The following EGF variants were observed in gnomAD, a reference collection of about 807,000 sequenced individuals.
EGF encodes the protein pro-epidermal growth factor.
A neutral mutation model predicts 143.8 loss-of-function variants in EGF; 95 were observed. The ratio of observed to expected loss-of-function variants is 0.66; its 90% CI spans 0.56 to 0.78. The LOEUF (loss-of-function observed/expected upper bound fraction) is 0.78, where lower values mean the gene tolerates loss of function less well. Ranked by LOEUF, EGF falls within the 30% of genes least tolerant of loss-of-function variation. The probability of loss-of-function intolerance (pLI) is 0.00; values close to 1 mark genes in which losing one functional copy is unlikely to be tolerated. For synonymous variants in EGF, 510 were observed against 510.5 expected, an observed-to-expected ratio of 1.00 and a Z score of 0.01; for missense variants, 1,320 against 1,470.9, an observed-to-expected ratio of 0.90 and a Z score of 1.68.
chr4:109,999,299 C>G (rs41471646), intron 20 of EGF, among the ~76,000 whole-genome samples: 43 of 152,300 alleles, frequency 2.8e-4, no homozygotes, highest in African/African-American at 9.4e-4. Flanking sequence ...ATACTCATTG[C>G]AATCTGGCCA....
At chr4:109,929,473 T>C (rs1560638636) in intron 1 of EGF, among the ~76,000 whole-genome samples, 2 of 152,114 alleles carry the variant, frequency 1.3e-5, no homozygotes, top group Non-Finnish European at 2.9e-5. Context: ...TGTTAGAGTG[T>C]GGAATAGCAC....
rs929397393 is a variant in EGF at position 109,995,001 on chromosome 4, A to C, written c.3005+121A>C. On this transcript the variant is annotated intron_variant, in intron 20 of 23. Transcript: ENST00000265171. ...CAATTAGGTGTTCTTTTGGAAAAAT[A>C]TAAACATACACATATGAACCACGTG... is the stretch of plus-strand genomic sequence containing the variant. 15 of 1,259,594 alleles carry C rather than the reference A, an allele frequency of 1.2e-5. No homozygotes were observed. In the African/African-American group the frequency reaches 2.2e-4, roughly 19 times the overall value. 78.0% of individuals were successfully genotyped at this position (1,259,594 alleles called of 1,614,324 possible). A position where few individuals can be genotyped will look rare whatever the true frequency, so the allele number is the denominator to read the frequency against.
Position 109,988,613 on chromosome 4 carries a change from G to T in EGF, c.2638G>T (p.Val880Leu), listed in dbSNP as rs759771801. The part of the protein sequence containing the change: ...DIDECEMGVP[V>L]CPPASSKCIN... ...AGATGAATGTGAGATGGGTGTCCCA[G>T]TGTGCCCCCCTGCCTCCTCCAAGTG... Residue 880 changes from valine (V) to leucine (L), a missense_variant, in exon 18 of 24, where the codon GTG becomes TTG. Coordinates refer to ENST00000265171, the MANE Select transcript of EGF (RefSeq NM_001963.6). 8 of 1,613,994 alleles carry T rather than the reference G, an allele frequency of 5.0e-6. No homozygotes were observed. The African/African-American group carries it at 6.7e-5, about 13-fold the overall frequency.
At chr4:109,962,681 T>C (rs1745898957) in intron 8 of EGF, among the ~76,000 whole-genome samples, 1 of 152,178 alleles carries the variant, frequency 6.6e-6, no homozygotes, top group Admixed American at 6.5e-5. Flanking sequence ...TGTTGGGTTA[T>C]AGGGAAGGAG....
chr4:109,948,899 G>A (rs1743321322), intron 5 of EGF, among the ~76,000 whole-genome samples: 1 of 152,112 alleles, frequency 6.6e-6, no homozygotes, highest in Admixed American at 6.5e-5. Flanking sequence ...GCTTTACAAA[G>A]CATTTAGTAG....
At chr4:109,944,431 T>C (rs936566809) in intron 4 of EGF, among the ~76,000 whole-genome samples, 4 of 152,220 alleles carry the variant, frequency 2.6e-5, no homozygotes, top group Non-Finnish European at 5.9e-5. Flanking sequence ...AGAGCGAGAC[T>C]CCGTCTCAAG....
rs141644661 is a variant in EGF, at chr4:109,980,827, A to G, written c.2223A>G (p.Gly741=). 1,125 of 1,613,970 alleles carry G rather than the reference A, an allele frequency of 7.0e-4. 5 individuals carry two copies. Among genetic ancestry groups the G allele is most frequent in the Non-Finnish European group, 6.9e-4 (810 of 1,179,916 alleles). The change falls in exon 15 of 24, where the codon GGA becomes GGG. Residue 741 remains glycine (G), a splice_region_variant and synonymous_variant. Coordinates refer to ENST00000265171, the MANE Select transcript of EGF (RefSeq NM_001963.6). ...GAATTTGTTTCTTTTCTCTACTAGG[A>G]GCAGATCCCTGCTTATATCAAAACG... ...LVVVHPLAKP[G]ADPCLYQNGG...
At chr4:109,991,138 A>G (rs886692104) in intron 18 of EGF, among the ~76,000 whole-genome samples, 1 of 152,222 alleles carries the variant, frequency 6.6e-6, no homozygotes, top group Non-Finnish European at 1.5e-5. Context: ...ACCACATTAC[A>G]ACTGTAAAAT....
rs2237043 is a variant in EGF at position 109,921,253 on chromosome 4, T to C, written c.127+7791T>C. 0.013 allele frequency among the ~76,000 whole-genome samples: 1,988 copies of C among 149,488 alleles called. 210 individuals carry two copies. The East Asian group carries it at 0.23, about 17-fold the overall frequency. On this transcript the variant is annotated intron_variant, in intron 1 of 23. Transcript: ENST00000265171. ...TCAATTCTGGGAATTAGCAAATGTA[T>C]AGAAACTTCAGTTGTTTTAGCCAAA...
intron 21 of EGF, chr4:110,004,211 TACATACACACACACAC>T (rs1752940452): frequency 1.3e-5 from 5 of 387,376 alleles, no homozygotes; most frequent in African/African-American, 7.4e-5. Flanking sequence ...TACATGGGCA[TACATACACACACACAC>T]ACACACACAC....
chr4:109,994,647 T>G (rs560565298), intron 19 of EGF, 86 bp from the exon 20 acceptor site: 1 of 1,458,954 alleles, frequency 6.9e-7, no homozygotes, highest in East Asian at 2.3e-5. Context: ...TGTCACAAAC[T>G]ATTCACAGAA....
chr4:109,984,188 C>G (rs1208094271), intron 16 of EGF, among the ~76,000 whole-genome samples: 5 of 151,472 alleles, frequency 3.3e-5, no homozygotes, highest in African/African-American at 9.7e-5. Flanking sequence ...TGCAATTTGA[C>G]TTTGAAACAT....
intron 1 of EGF, among the ~76,000 whole-genome samples, chr4:109,929,618 G>C (rs1739330184): frequency 1.3e-5 from 2 of 152,168 alleles, no homozygotes; most frequent in Admixed American, 1.3e-4. Flanking sequence ...GCTGGGGGTA[G>C]GTAGGGGCTG....
chr4:109,975,921 G>A (rs116560284), intron 12 of EGF, 91 bp from the exon 13 acceptor site: 1 of 1,359,012 alleles, frequency 7.4e-7, no homozygotes, highest in African/African-American at 1.4e-5. Context: ...AGTATATCAT[G>A]AGGTAATTTA....
chr4:109,969,031 C>A lies in EGF; in HGVS notation c.1636C>A (p.Arg546=), dbSNP rs756376698. 10 of 1,613,966 alleles carry A rather than the reference C, an allele frequency of 6.2e-6. No homozygotes were observed. In the African/African-American group the frequency reaches 1.2e-4, roughly 19 times the overall value. Residue 546 remains arginine (R), a synonymous_variant, in exon 11 of 24, where the codon CGA becomes AGA. Transcript: ENST00000265171. ...GAGAGCTAATATGGATGGTTCCCAG[C>A]GAGAAAGGCTTATTGAGGAAGGAGT... The part of the protein sequence containing the change: ...IERANMDGSQ[R]ERLIEEGVDV...
At chr4:109,959,194 G>C in intron 5 of EGF, 118 bp from the exon 6 acceptor site, 2 of 1,514,720 alleles carry the variant, frequency 1.3e-6, no homozygotes, top group Non-Finnish European at 9.0e-7. Flanking sequence ...TTGCCTCCGT[G>C]AGAGATGCAG....
At position 109,980,982 on chromosome 4, in the gene EGF, T is replaced by TAATA; in HGVS notation, c.2371+11_2371+14dup. Reference sequence around the variant, plus strand: ...GGTCATCAGCTGTTGGCAGGTAATATAATAAATTATGTGGCAAATTACCTA... The same window carrying TAATA: ...GGTCATCAGCTGTTGGCAGGTAATATAATAAATAAATTATGTGGCAAATTACCTA... On this transcript the variant is annotated splice_region_variant and intron_variant, in intron 15 of 23. Coordinates refer to ENST00000265171, the MANE Select transcript of EGF (RefSeq NM_001963.6). 6.2e-7 allele frequency: 1 copy of TAATA among 1,614,068 alleles called. No individual in the cohort carries two copies. The highest frequency in any genetic ancestry group is 8.5e-7 in the Non-Finnish European group (1 of 1,179,936).
At position 110,011,444 on chromosome 4, in the gene EGF, C is replaced by G; in HGVS notation, c.3613C>G (p.Leu1205Val). 4 of 1,614,208 alleles carry G rather than the reference C, an allele frequency of 2.5e-6. No homozygotes were observed. The highest frequency in any genetic ancestry group is 3.4e-6 in the Non-Finnish European group (4 of 1,180,010). The change falls in exon 24 of 24, where the codon CTG (leucine) becomes GTG (valine). Residue 1205 changes from leucine to valine, a missense_variant. Around this residue, in one of 5 missense-constraint regions of EGF, gnomAD observed 1,186 missense variants for 1,313.7 expected, o/e 0.90. Coordinates refer to ENST00000265171, the MANE Select transcript of EGF (RefSeq NM_001963.6). The stretch of plus-strand genomic sequence containing the variant: ...CCTGGACCCACCACACCAAATGGAG[C>G]TGACTCAGTGAAAACTGGAATTAAA... ...RALDPPHQME[L>V]TQ
rs528499855 is a variant in EGF, at chr4:109,924,806, C to T, written c.127+11344C>T. On this transcript the variant is annotated intron_variant, in intron 1 of 23. Transcript: ENST00000265171. The stretch of plus-strand genomic sequence containing the variant: ...TTGGCTACGTAAGAGCTGAAAGCAA[C>T]GTAAATCTCCATAGATCTGACCAAA... 4.6e-5 allele frequency among the ~76,000 whole-genome samples: 7 copies of T among 152,084 alleles called. No homozygotes were observed. In the South Asian group the frequency reaches 8.3e-4, roughly 18 times the overall value.
Sources: gnomAD v4.1 joint callset for allele counts (sites outside exome capture counted in the v4.1 genomes callset) on GRCh38, gnomAD v4.1.1 for gene constraint, gnomAD v4.1.1 regional missense constraint, MANE v1.5 for transcripts, NCBI Gene and HGNC (gene_info 2026-07-23, HGNC 2026-07-21) for gene names.